The following PCDH15 variants were observed in gnomAD, a reference collection of about 807,000 sequenced individuals.
PCDH15 encodes the protein protocadherin-15.
A neutral mutation model predicts 178.5 loss-of-function variants in PCDH15; 129 were observed. The observed-to-expected ratio is 0.72, with a 90% CI of 0.63 to 0.84. PCDH15 has a LOEUF of 0.84. Among genes scored for constraint, PCDH15 ranks in the 40% least tolerant of loss-of-function variants. The probability of loss-of-function intolerance (pLI) is 0.00; values close to 1 mark genes in which losing one functional copy is unlikely to be tolerated. For missense variants in PCDH15, 2,230 were observed against 2,099.9 expected (o/e 1.06, Z -1.21); for synonymous variants, 800 against 732.0 (o/e 1.09, Z -1.50).
chr10:54,338,230 T>C (rs901744802), intron 6 of PCDH15, among the ~76,000 whole-genome samples: 4 of 152,190 alleles, frequency 2.6e-5, no homozygotes, highest in African/African-American at 9.7e-5. Flanking sequence ...GTCTTAATTA[T>C]ACATGAGTTT....
intron 25 of PCDH15, among the ~76,000 whole-genome samples, chr10:53,935,986 A>G (rs2134025626): frequency 6.6e-6 from 1 of 152,312 alleles, no homozygotes; most frequent in South Asian, 2.1e-4. Context: ...CCTATGATTT[A>G]TTTGTTTAAA....
Position 55,225,173 on chromosome 10 carries a change from C to A in PCDH15, c.-155-58522G>T, listed in dbSNP as rs111825975. ...CTTTAGCACTTAGACCAGGAAATAA[C>A]ACTTAGTAACAAAAGTACGTAACAA... is the stretch of plus-strand genomic sequence containing the variant. On this transcript the variant is annotated intron_variant, in intron 1 of 5. Coordinates refer to the PCDH15 transcript ENST00000458638. Among the ~76,000 whole-genome samples the A allele has an allele frequency of 6.2e-3, 940 of 151,938 alleles. 16 individuals are homozygous for A. Among genetic ancestry groups the A allele is most frequent in the African/African-American group, 0.021 (867 of 41,374 alleles).
At chr10:54,138,791 T>C (rs1241715969) in intron 14 of PCDH15, among the ~76,000 whole-genome samples, 1 of 152,192 alleles carries the variant, frequency 6.6e-6, no homozygotes, top group Non-Finnish European at 1.5e-5. Context: ...TGTGGCTATG[T>C]AAACCAGTGA....
At chr10:55,021,523 T>C (rs1591840038) in intron 2 of PCDH15, among the ~76,000 whole-genome samples, 2 of 152,218 alleles carry the variant, frequency 1.3e-5, no homozygotes, top group African/African-American at 2.4e-5. Context: ...TTGAAGGTTT[T>C]CTCAATCCTA....
chr10:54,993,364 T>C (rs1227455587), intron 2 of PCDH15, among the ~76,000 whole-genome samples: 5 of 152,180 alleles, frequency 3.3e-5, no homozygotes, highest in Non-Finnish European at 5.9e-5. Context: ...ATATGCAATA[T>C]GAGAAATGCA....
chr10:55,504,635 A>T (rs1210094454), intron 2 of PCDH15, among the ~76,000 whole-genome samples: 11 of 151,348 alleles, frequency 7.3e-5, no homozygotes, highest in African/African-American at 2.7e-4. Flanking sequence ...AAAGAAAAAA[A>T]TTCACCCAAA....
At chr10:54,503,792 T>C (rs2080930684) in intron 3 of PCDH15, among the ~76,000 whole-genome samples, 1 of 152,150 alleles carries the variant, frequency 6.6e-6, no homozygotes, top group Admixed American at 6.6e-5. Flanking sequence ...TTTAGATTGT[T>C]CTTTCAACAC....
At position 54,006,159 on chromosome 10, in the gene PCDH15, T is replaced by C. The variant is rs915171805; in HGVS notation, c.2752-10394A>G. 3.9e-5 allele frequency among the ~76,000 whole-genome samples: 6 copies of C among 152,264 alleles called. No individual in the cohort carries two copies. The East Asian group carries it at 5.8e-4, about 15-fold the overall frequency. On this transcript the variant is annotated intron_variant, in intron 20 of 37. Coordinates refer to ENST00000644397, the MANE Select transcript of PCDH15 (RefSeq NM_001384140.1). ...CTGGACATGCACATTTTCTTTGTTT[T>C]CTCTGGTTTGGATTTTTATAGGAAA...
chr10:54,756,454 G>A (rs958995000), intron 1 of PCDH15, among the ~76,000 whole-genome samples: 1 of 151,956 alleles, frequency 6.6e-6, no homozygotes, highest in African/African-American at 2.4e-5. Flanking sequence ...TTGGCTCTCT[G>A]CTCAAATTAG....
intron 2 of PCDH15, among the ~76,000 whole-genome samples, chr10:54,529,620 C>G (rs2083705869): frequency 3.9e-5 from 6 of 152,022 alleles, no homozygotes; most frequent in Admixed American, 3.9e-4. Context: ...GGAATGTAGC[C>G]TGTATTTTTA....
chr10:54,238,643 T>A (rs1299134890), intron 8 of PCDH15, among the ~76,000 whole-genome samples: 1 of 146,630 alleles, frequency 6.8e-6, no homozygotes, highest in Non-Finnish European at 1.5e-5. Context: ...CTCACTGAAC[T>A]TTTCCTCCCA....
At chr10:54,349,234 A>G (rs1943800217) in intron 5 of PCDH15, among the ~76,000 whole-genome samples, 1 of 152,174 alleles carries the variant, frequency 6.6e-6, no homozygotes, top group Admixed American at 6.5e-5. Flanking sequence ...GACCAGATTT[A>G]TTTTGAAGAG....
At chr10:54,293,050 A>T (rs148814951) in intron 8 of PCDH15, among the ~76,000 whole-genome samples, 2,434 of 152,194 alleles carry the variant, frequency 0.016, 53 homozygotes, top group South Asian at 0.044. Flanking sequence ...GGCATCATGT[A>T]ACCTGACTTC....
At chr10:55,547,486 C>CA (rs1841909683) in intron 2 of PCDH15, among the ~76,000 whole-genome samples, 1 of 151,802 alleles carries the variant, frequency 6.6e-6, no homozygotes, top group African/African-American at 2.4e-5. Flanking sequence ...TTGGCAGCAC[C>CA]AATAGTCTAC....
intron 8 of PCDH15, among the ~76,000 whole-genome samples, chr10:54,247,815 C>T (rs1375995474): frequency 1.3e-5 from 2 of 150,434 alleles, no homozygotes; most frequent in African/African-American, 4.9e-5. Flanking sequence ...ATAATATCTA[C>T]ATTACTTGCA....
intron 3 of PCDH15, among the ~76,000 whole-genome samples, chr10:54,519,408 T>C (rs900478419): frequency 6.6e-6 from 1 of 151,742 alleles, no homozygotes; most frequent in Non-Finnish European, 1.5e-5. Flanking sequence ...AGCATTCTTA[T>C]ACACCAATAA....
chr10:54,964,671 A>G (rs1838736784), intron 2 of PCDH15, among the ~76,000 whole-genome samples: 1 of 152,186 alleles, frequency 6.6e-6, no homozygotes, highest in Admixed American at 6.5e-5. Context: ...AGAAGACAAA[A>G]TTATGTTAAT....
intron 3 of PCDH15, among the ~76,000 whole-genome samples, chr10:54,842,603 A>G (rs1045856553): frequency 3.3e-5 from 5 of 151,934 alleles, no homozygotes; most frequent in African/African-American, 1.2e-4. Flanking sequence ...AATTGCTACA[A>G]CTATATATAA....
At chr10:55,520,073 A>G (rs1392731202) in intron 2 of PCDH15, among the ~76,000 whole-genome samples, 1 of 144,796 alleles carries the variant, frequency 6.9e-6, no homozygotes, top group Non-Finnish European at 1.5e-5. Flanking sequence ...TATATGGCAT[A>G]TATATATAAG....
Sources: gnomAD v4.1 joint callset for allele counts (sites outside exome capture counted in the v4.1 genomes callset) on GRCh38, gnomAD v4.1.1 for gene constraint, MANE v1.5 for transcripts, NCBI Gene and HGNC (gene_info 2026-07-23, HGNC 2026-07-21) for gene names.